The following ATP6V1B1 variants were observed in gnomAD, a reference collection of about 807,000 sequenced individuals.
ATP6V1B1 encodes ATPase H+ transporting V1 subunit B1.
A neutral mutation model predicts 62.1 loss-of-function variants in ATP6V1B1; 41 were observed. The ratio of observed to expected loss-of-function variants is 0.66; its 90% confidence interval spans 0.51 to 0.86. ATP6V1B1 has a LOEUF of 0.86. ATP6V1B1 is among the 40% of genes least tolerant of loss of function. The probability of loss-of-function intolerance (pLI) is 0.00; values close to 1 mark genes in which losing one functional copy is unlikely to be tolerated. For synonymous variants in ATP6V1B1, 253 were observed against 273.4 expected (o/e 0.93, Z 0.74); for missense variants, 651 against 697.5 (o/e 0.93, Z 0.75).
At chr2:70,958,529 T>A (rs1553419493) in intron 4 of ATP6V1B1, 103 bp downstream of exon 4, 5 of 1,117,446 alleles carry the variant, frequency 4.5e-6, no homozygotes, top group African/African-American at 3.1e-5. Context: ...TCCTGTTTAC[T>A]TCCTGCCTGT....
At chr2:70,939,076 C>T (rs950248114) in intron 1 of ATP6V1B1, among the ~76,000 whole-genome samples, 14 of 152,382 alleles carry the variant, frequency 9.2e-5, no homozygotes, top group African/African-American at 3.4e-4. Context: ...GGACCTGCTG[C>T]CCCGGGCTTG....
chr2:70,964,984 G>C lies in ATP6V1B1; in HGVS notation c.1405G>C (p.Glu469Gln). The C allele has an allele frequency of 4.3e-6, 7 of 1,613,888 alleles. No homozygotes were observed. Among genetic ancestry groups the C allele is most frequent in the Non-Finnish European group, 5.9e-6 (7 of 1,180,024 alleles). ...CCCCTACGAGAACCGCTCGGTGTTC[G>C]AGTCGCTGGACCTGGGCTGGAAGCT... ...QGPYENRSVFESLDLGWKLLR... is the reference protein window; with the variant it reads ...QGPYENRSVFQSLDLGWKLLR... The change falls in exon 14 of 14, where the codon GAG (glutamate) becomes CAG (glutamine). Residue 469 changes from glutamate (E) to glutamine (Q), a missense_variant. By Grantham distance (29) the Glu-to-Gln change is conservative. Coordinates refer to ENST00000234396, the MANE Select transcript of ATP6V1B1 (RefSeq NM_001692.4).
At chr2:70,953,889 G>A (rs572106925) in intron 2 of ATP6V1B1, among the ~76,000 whole-genome samples, 84 of 152,232 alleles carry the variant, frequency 5.5e-4, no homozygotes, top group African/African-American at 1.8e-3. Flanking sequence ...GTTCTGGTTT[G>A]AGTTATATTT....
rs1352968842 is a variant in ATP6V1B1, at chr2:70,941,483, C to T, written c.119-2175C>T. On this transcript the variant is annotated intron_variant, in intron 1 of 13. Coordinates refer to ENST00000234396, the MANE Select transcript of ATP6V1B1 (RefSeq NM_001692.4). ...CCCTGAAGGCTCAGCTCAAACGGCC[C>T]TTCCCATAAGATGCTTCCTCCAAGC... 6.1e-6 allele frequency: 6 copies of T among 980,392 alleles called. No homozygotes were observed. In the African/African-American group the frequency reaches 7.0e-5, roughly 11 times the overall value. The allele number at this position is 980,392 out of a possible 1,614,324, so 60.7% of individuals were successfully genotyped here.
intron 1 of ATP6V1B1, among the ~76,000 whole-genome samples, chr2:70,937,484 C>G (rs7587977): frequency 0.6 from 90,681 of 151,744 alleles, 27,660 homozygotes; most frequent in African/African-American, 0.72. Context: ...CCATGGAGCT[C>G]GGGGGAGGAT....
chr2:70,938,616 G>C (rs2104798264), intron 1 of ATP6V1B1: 8 of 985,392 alleles, frequency 8.1e-6, no homozygotes, highest in Non-Finnish European at 9.6e-6. Flanking sequence ...GAAAGGAGGA[G>C]ACACTAGAAA....
chr2:70,948,683 G>A (rs1291536841), intron 2 of ATP6V1B1: 1 of 152,160 alleles, frequency 6.6e-6, no homozygotes, highest in Non-Finnish European at 1.5e-5. Context: ...CCACCTCGGA[G>A]CCCTCCTCCC....
rs567652468 is a variant in ATP6V1B1 at position 70,964,707 on chromosome 2, C to A, written c.1249-29C>A. On this transcript the variant is annotated intron_variant, in intron 12 of 13. Transcript: ENST00000234396. ...CTGGACTCCCGTGGTAAGCCCGCAG[C>A]GGCCACCGACGCCTTGCCCCTCCCC... 5 of 1,612,862 alleles carry A rather than the reference C, an allele frequency of 3.1e-6. No homozygotes were observed. In the East Asian group the frequency reaches 1.1e-4, roughly 36 times the overall value.
intron 13 of ATP6V1B1, 35 bp downstream of exon 13, chr2:70,964,900 C>T (rs71414851): frequency 1.2e-6 from 2 of 1,613,942 alleles, no homozygotes; most frequent in African/African-American, 2.7e-5. Context: ...CCAGTAACCT[C>T]TTCACCCTCC....
At chr2:70,937,072 A>G (rs142532208) in intron 1 of ATP6V1B1, among the ~76,000 whole-genome samples, 19 of 128,852 alleles carry the variant, frequency 1.5e-4, no homozygotes, top group South Asian at 1.4e-3. Flanking sequence ...CAGCTATGCA[A>G]AGCCAGAGGC....
chr2:70,946,771 C>G lies in ATP6V1B1; in HGVS notation c.174+3058C>G, dbSNP rs76705898. On this transcript the variant is annotated intron_variant, in intron 2 of 13. Coordinates refer to ENST00000234396, the MANE Select transcript of ATP6V1B1 (RefSeq NM_001692.4). The stretch of plus-strand genomic sequence containing the variant: ...TCCACCACACTCTCCACCAGACCTG[C>G]CATTCTCCATGGGACCCAGTGTGGC... 8.8e-3 allele frequency among the ~76,000 whole-genome samples: 1,344 copies of G among 152,304 alleles called. 14 individuals carry two copies. The highest frequency in any genetic ancestry group is 0.031 in the African/African-American group (1,273 of 41,562).
chr2:70,955,482 A>G (rs1185605977), intron 2 of ATP6V1B1, among the ~76,000 whole-genome samples: 4 of 152,178 alleles, frequency 2.6e-5, no homozygotes, highest in African/African-American at 7.2e-5. Flanking sequence ...TCCTCACTCC[A>G]GTCCTCCCTC....
intron 1 of ATP6V1B1, chr2:70,940,283 T>C: frequency 2.6e-6 from 2 of 767,638 alleles, no homozygotes; most frequent in Non-Finnish European, 3.2e-6. Flanking sequence ...CCTGAGGCAG[T>C]GGAATTAGAA....
intron 2 of ATP6V1B1, among the ~76,000 whole-genome samples, chr2:70,953,904 A>C (rs1303088044): frequency 6.6e-6 from 1 of 152,136 alleles, no homozygotes; most frequent in African/African-American, 2.4e-5. Flanking sequence ...ATATTTATTC[A>C]TGTTATCTAA....
At position 70,944,608 on chromosome 2, in the gene ATP6V1B1, C is replaced by T. The variant is rs965333600; in HGVS notation, c.174+895C>T. Among the ~76,000 whole-genome samples, 13 of 152,118 alleles carry T rather than the reference C, an allele frequency of 8.5e-5. No homozygotes were observed. The East Asian group carries it at 2.5e-3, about 29-fold the overall frequency. On this transcript the variant is annotated intron_variant, in intron 2 of 13. Coordinates refer to ENST00000234396, the MANE Select transcript of ATP6V1B1 (RefSeq NM_001692.4). ...TGTCTCCATCCTCCAGCCCTTCAGACCTGACCCTTGCATCAAATTTGCCCA... is the reference window on the plus strand; with the variant it reads ...TGTCTCCATCCTCCAGCCCTTCAGATCTGACCCTTGCATCAAATTTGCCCA...
chr2:70,938,492 C>T (rs538897550), intron 1 of ATP6V1B1: 38 of 961,742 alleles, frequency 4.0e-5, no homozygotes, highest in East Asian at 1.2e-4. Context: ...CGCTGGGCCA[C>T]GGTGGAGGTG....
intron 2 of ATP6V1B1, among the ~76,000 whole-genome samples, chr2:70,955,074 C>T (rs1680402419): frequency 6.6e-6 from 1 of 152,286 alleles, no homozygotes; most frequent in Middle Eastern, 3.4e-3. Flanking sequence ...GACAGCAGAG[C>T]TCAGGGATTC....
chr2:70,946,050 C>A (rs1262267080), intron 2 of ATP6V1B1, among the ~76,000 whole-genome samples: 1 of 152,046 alleles, frequency 6.6e-6, no homozygotes, highest in East Asian at 1.9e-4. Flanking sequence ...GTGTTTTGTT[C>A]ATCTTCAGCT....
Position 70,964,970 on chromosome 2 carries a change from ACCGCTCGGTGTTCGAGTCGCTGGACCTGG to A in ATP6V1B1, c.1392_1420del (p.Asn464LysfsTer37). On this transcript the variant is annotated frameshift_variant, in exon 14 of 14. Coordinates refer to ENST00000234396, the MANE Select transcript of ATP6V1B1 (RefSeq NM_001692.4). LOFTEE classifies it high-confidence loss of function. ...GCTCTGTCCCTAGGCCCCTACGAGA[ACCGCTCGGTGTTCGAGTCGCTGGACCTGG>A]GCTGGAAGCTGCTGCGCATCTTCCC... The A allele has an allele frequency of 6.2e-7, 1 of 1,613,868 alleles. No individual in the cohort carries two copies. Among genetic ancestry groups the A allele is most frequent in the Non-Finnish European group, 8.5e-7 (1 of 1,179,998 alleles).
Sources: gnomAD v4.1 joint callset for allele counts (sites outside exome capture counted in the v4.1 genomes callset) on GRCh38, gnomAD v4.1.1 for gene constraint, MANE v1.5 for transcripts, NCBI Gene and HGNC (gene_info 2026-07-23, HGNC 2026-07-21) for gene names.